The following IAH1 variants were observed in gnomAD, a reference collection of about 807,000 sequenced individuals.
The protein encoded by IAH1 is isoamyl acetate-hydrolyzing esterase 1 homolog.
Under a neutral mutation model 26.7 loss-of-function variants are expected in IAH1, and 24 were observed. The ratio of observed to expected loss-of-function variants is 0.90; its 90% CI spans 0.65 to 1.26. The LOEUF (loss-of-function observed/expected upper bound fraction) is 1.26, where lower values mean the gene tolerates loss of function less well. Ranked by LOEUF, IAH1 falls within the 50% of genes most tolerant of loss-of-function variation. IAH1 has a pLI of 0.00. For synonymous variants in IAH1, 140 were observed against 118.5 expected (o/e 1.18, Z -1.18); for missense variants, 300 against 299.9 (o/e 1.00, Z 0.00).
At chr2:9,475,156 G>A in intron 1 of IAH1, 15 of 1,287,058 alleles carry the variant, frequency 1.2e-5, no homozygotes, top group Non-Finnish European at 1.4e-5. Flanking sequence ...AGGTAGAAAA[G>A]GACCATCCGT....
chr2:9,503,165 A>G, the IAH1 span, among the ~76,000 whole-genome samples: 3 of 151,746 alleles, frequency 2.0e-5, no homozygotes, highest in Admixed American at 6.6e-5. Flanking sequence ...CAAGGAAAAA[A>G]AAAAAAGACA....
chr2:9,475,071 C>T, intron 1 of IAH1: 1 of 1,221,656 alleles, frequency 8.2e-7, no homozygotes, highest in Non-Finnish European at 1.1e-6. Flanking sequence ...GCCAGGAGCT[C>T]TCTCGCCCCA....
chr2:9,490,077 G>T, downstream of IAH1: 1 of 1,162,966 alleles, frequency 8.6e-7, no homozygotes, highest in Non-Finnish European at 1.2e-6. Flanking sequence ...CATCTGCTAA[G>T]TCACTTCCCA....
the IAH1 span, among the ~76,000 whole-genome samples, chr2:9,504,963 C>T: frequency 1.3e-5 from 2 of 152,192 alleles, no homozygotes; most frequent in East Asian, 3.9e-4. Flanking sequence ...CTCAGCCTCC[C>T]AGAGTGCTGG....
At position 9,476,138 on chromosome 2, in the gene IAH1, T is replaced by C. The variant is rs1255310436; in HGVS notation, c.134+99T>C. 4.6e-6 allele frequency: 5 copies of C among 1,087,432 alleles called. No individual in the cohort carries two copies. In the East Asian group the frequency reaches 1.3e-4, roughly 28 times the overall value. 67.4% of individuals were successfully genotyped at this position (1,087,432 alleles called of 1,614,324 possible). A position where few individuals can be genotyped will look rare whatever the true frequency, so the allele number is the denominator to read the frequency against. ...TAGTTCTGAACAGAACATTCCTCCT[T>C]TATTAATTTTGCTTGCCTCCCCTAA... On this transcript the variant is annotated intron_variant, in intron 2 of 5. Transcript: ENST00000497473.
chr2:9,478,095 C>G, intron 2 of IAH1, 127 bp from the exon 3 acceptor site: 1 of 750,068 alleles, frequency 1.3e-6, no homozygotes, highest in Non-Finnish European at 2.1e-6. Context: ...AAAGTGAAAC[C>G]TGGGGGTGGC....
At chr2:9,494,900 C>T (rs1662450888) in intron 6 of IAH1, 2 of 1,089,152 alleles carry the variant, frequency 1.8e-6, no homozygotes, top group African/African-American at 1.6e-5. Flanking sequence ...ATAGCTAATA[C>T]TATCCATAGC....
In IAH1 at chr2:9,477,803, C is replaced by CTCAAATAT. The variant is rs1051587976; in HGVS notation, c.135-416_135-409dup. ...AAACTATTTAATCAAAACCAGAAATCTCAAATATTCTATAGACTGTTTAAA... is the reference window on the plus strand; with the variant it reads ...AAACTATTTAATCAAAACCAGAAATCTCAAATATTCAAATATTCTATAGACTGTTTAAA... On this transcript the variant is annotated intron_variant, in intron 2 of 5. Transcript: ENST00000497473. Among the ~76,000 whole-genome samples the CTCAAATAT allele has an allele frequency of 1.1e-3, 173 of 152,246 alleles. 2 individuals are homozygous for CTCAAATAT. Among genetic ancestry groups the CTCAAATAT allele is most frequent in the African/African-American group, 3.9e-3 (164 of 41,552 alleles).
the IAH1 span, among the ~76,000 whole-genome samples, chr2:9,511,655 T>C: frequency 1.3e-4 from 20 of 152,142 alleles, no homozygotes; most frequent in African/African-American, 4.3e-4. Context: ...AAATTTTTTT[T>C]CCATATTTAT....
Position 9,488,305 on chromosome 2 carries a change from T to G in IAH1, c.723T>G (p.Ser241Arg). Residue 241 changes from serine to arginine, a missense_variant, in exon 6 of 6, where the codon AGT becomes AGG. By Grantham distance (110) the Ser-to-Arg change is moderately radical (BLOSUM62 -1). Transcript: ENST00000497473. ...TAGCAGAAGCAAAACCTGAATTAAG[T>G]CTGCTGGGAGATGGAGACCATTAGC... ...RDVAEAKPELSLLGDGDH is the reference protein window; with the variant it reads ...RDVAEAKPELRLLGDGDH 6.2e-7 allele frequency: 1 copy of G among 1,609,536 alleles called. No individual in the cohort carries two copies. The highest frequency in any genetic ancestry group is 8.5e-7 in the Non-Finnish European group (1 of 1,178,534).
the IAH1 span, chr2:9,505,122 T>C: frequency 1.9e-6 from 3 of 1,602,794 alleles, no homozygotes; most frequent in African/African-American, 1.3e-5. Context: ...TTTGGACATC[T>C]TGTTATACCA....
rs779679888 is a variant in IAH1, at chr2:9,481,338, G to C, written c.336G>C (p.Lys112Asn). The C allele has an allele frequency of 1.1e-5, 18 of 1,614,068 alleles. No individual in the cohort carries two copies. The highest frequency in any genetic ancestry group is 1.4e-5 in the Non-Finnish European group (17 of 1,180,030). The change falls in exon 4 of 6, where the codon AAG (lysine) becomes AAC (asparagine). Residue 112 changes from lysine (K) to asparagine (N), a missense_variant. Coordinates refer to ENST00000497473, the MANE Select transcript of IAH1 (RefSeq NM_001039613.3). ...IPLEEYAANL[K>N]SMVQYLKSVD... ...TGGAGGAGTACGCTGCGAACCTAAA[G>C]AGCATGGTGCAGTACCTGAAGTCCG...
intron 5 of IAH1, 67 bp downstream of exon 5, chr2:9,484,617 C>A: frequency 1.9e-6 from 2 of 1,062,172 alleles, no homozygotes; most frequent in African/African-American, 1.6e-5. Context: ...GGTGTGTGTG[C>A]AGCAGCTTTC....
intron 5 of IAH1, chr2:9,487,358 G>A (rs1815894): frequency 0.58 from 88,345 of 151,912 alleles, 27,028 homozygotes; most frequent in African/African-American, 0.71. Context: ...AGTTCTTTCT[G>A]CCTAAAAACC....
At chr2:9,508,501 A>G in the IAH1 span, among the ~76,000 whole-genome samples, 14 of 152,332 alleles carry the variant, frequency 9.2e-5, no homozygotes, top group African/African-American at 3.4e-4. Context: ...TAACTTTACC[A>G]AGTGTTGAAA....
At chr2:9,493,940 C>T (rs916349549), downstream of IAH1, 3 of 810,638 alleles carry the variant, frequency 3.7e-6, no homozygotes, top group South Asian at 5.7e-5. Context: ...CAAACGTTTT[C>T]CCATCTTTGA....
At chr2:9,481,925 C>A (rs1394547631) in intron 4 of IAH1, among the ~76,000 whole-genome samples, 1 of 152,072 alleles carries the variant, frequency 6.6e-6, no homozygotes, top group Non-Finnish European at 1.5e-5. Context: ...TTCAATCCAC[C>A]TTTGACTGAA....
At chr2:9,493,766 C>A (rs765452935), downstream of IAH1, 3 of 1,613,992 alleles carry the variant, frequency 1.9e-6, no homozygotes, top group Non-Finnish European at 1.7e-6. Context: ...TGATGCTCAG[C>A]TGGTCAATGA....
At chr2:9,480,947 G>A (rs910546726) in intron 3 of IAH1, 5 of 196,284 alleles carry the variant, frequency 2.5e-5, no homozygotes, top group Non-Finnish European at 5.2e-5. Flanking sequence ...GTGGCGAGGA[G>A]TGACAAAGCC....
Sources: gnomAD v4.1 joint callset for allele counts (sites outside exome capture counted in the v4.1 genomes callset) on GRCh38, gnomAD v4.1.1 for gene constraint, MANE v1.5 for transcripts, NCBI Gene and HGNC (gene_info 2026-07-23, HGNC 2026-07-21) for gene names.